The following SPATA3 variants were observed in gnomAD, a reference collection of about 807,000 sequenced individuals.
SPATA3 encodes spermatogenesis-associated protein 3.
SPATA3 carries 6 observed loss-of-function variants against 5.7 expected under a neutral mutation model. The observed-to-expected ratio is 1.06, with a 90% CI of 0.58 to 2.09. The LOEUF (loss-of-function observed/expected upper bound fraction) is 2.09. Among genes scored for constraint, SPATA3 ranks in the 30% most tolerant of loss-of-function variants. The pLI is 0.00. For synonymous variants in SPATA3, 44 were observed against 48.4 expected, an observed-to-expected ratio of 0.91 and a Z score of 0.37; for missense variants, 155 against 130.4, an observed-to-expected ratio of 1.19 and a Z score of -0.92.
chr2:230,996,192 G>A (rs192687539), intron 1 of SPATA3: 43 of 1,518,670 alleles, frequency 2.8e-5, no homozygotes, highest in African/African-American at 2.6e-4. Flanking sequence ...GGGAGATTAC[G>A]CAGCTCCATG....
exon 3 of SPATA3, chr2:231,002,703 T>A: frequency 1.3e-6 from 2 of 1,521,470 alleles, no homozygotes; most frequent in East Asian, 5.2e-5. Context: ...AAGAAAACCC[T>A]CCAGTCATCG....
intron 1 of SPATA3, among the ~76,000 whole-genome samples, chr2:230,998,771 G>A (rs139826337): frequency 6.6e-6 from 1 of 152,356 alleles, no homozygotes; most frequent in Non-Finnish European, 1.5e-5. Flanking sequence ...CTCATACACT[G>A]TAGGCGGGAA....
intron 1 of SPATA3, among the ~76,000 whole-genome samples, chr2:230,998,876 C>T (rs1692237939): frequency 1.3e-5 from 2 of 152,198 alleles, no homozygotes; most frequent in Admixed American, 1.3e-4. Context: ...TCTCAGTATA[C>T]ATCCAAGAGA....
downstream of SPATA3, among the ~76,000 whole-genome samples, chr2:231,005,001 TCATCACCAC>T (rs1692491448): frequency 1.8e-5 from 1 of 56,244 alleles, no homozygotes; most frequent in Admixed American, 1.5e-4. Context: ...ATCCTCACCA[TCATCACCAC>T]CATCATCACC....
intron 1 of SPATA3, among the ~76,000 whole-genome samples, chr2:230,998,555 C>T (rs560577939): frequency 1.3e-5 from 2 of 152,332 alleles, no homozygotes; most frequent in East Asian, 3.9e-4. Context: ...CCCTATACTT[C>T]TTCCAAAGGA....
Position 230,996,244 on chromosome 2 carries a change from T to C in SPATA3, c.791-4122T>C, listed in dbSNP as rs955559993. The stretch of plus-strand genomic sequence containing the variant: ...TTGGGAGGATCTACCATGAAGAAGG[T>C]CAAGAAGAAAAGGTCAGAGGCCAGA... On this transcript the variant is annotated intron_variant, in intron 1 of 2. Coordinates refer to ENST00000645363, the Ensembl canonical transcript of SPATA3. 7.1e-6 allele frequency: 11 copies of C among 1,548,588 alleles called. No individual in the cohort carries two copies. In the African/African-American group the frequency reaches 1.5e-4, roughly 21 times the overall value.
intron 6 of SPATA3, among the ~76,000 whole-genome samples, chr2:231,017,625 G>T (rs1692966273): frequency 6.6e-6 from 1 of 152,222 alleles, no homozygotes; most frequent in Non-Finnish European, 1.5e-5. Flanking sequence ...GTGAGAGAAG[G>T]CAGAATATCC....
chr2:231,016,462 T>C (rs1331808922), intron 6 of SPATA3, among the ~76,000 whole-genome samples: 1 of 132,360 alleles, frequency 7.6e-6, no homozygotes, highest in Non-Finnish European at 1.5e-5. Context: ...CCAAGGCAGG[T>C]GGATCGAGAT....
intron 5 of SPATA3, among the ~76,000 whole-genome samples, chr2:231,013,272 A>G (rs4973364): frequency 7.9e-5 from 12 of 151,996 alleles, no homozygotes; most frequent in Admixed American, 7.2e-4. Flanking sequence ...ATGATTTTGC[A>G]TGTTCTAGAA....
At chr2:231,005,528 A>C (rs1221567802), downstream of SPATA3, among the ~76,000 whole-genome samples, 1 of 30,808 alleles carries the variant, frequency 3.2e-5, no homozygotes, top group African/African-American at 1.4e-4. Context: ...CACCACCACC[A>C]CCATCATCAC....
At chr2:231,015,694 C>T (rs947481355) in intron 6 of SPATA3, among the ~76,000 whole-genome samples, 18 of 152,200 alleles carry the variant, frequency 1.2e-4, no homozygotes, top group Admixed American at 1.1e-3. Flanking sequence ...GCACCCTCGG[C>T]CTGCAGCTGT....
chr2:231,007,382 C>T (rs1692667440), downstream of SPATA3: 1 of 152,164 alleles, frequency 6.6e-6, no homozygotes, highest in African/African-American at 2.4e-5. Flanking sequence ...CCTTTTGGGC[C>T]ACAGGTCAAG....
chr2:231,002,300 A>G (rs553037864), intron 2 of SPATA3, among the ~76,000 whole-genome samples: 7 of 152,294 alleles, frequency 4.6e-5, no homozygotes, highest in South Asian at 4.1e-4. Flanking sequence ...TTATTTCCCA[A>G]GTTCCTTTCT....
At chr2:231,015,256 G>A (rs1019605041) in intron 6 of SPATA3, among the ~76,000 whole-genome samples, 1 of 92,136 alleles carries the variant, frequency 1.1e-5, no homozygotes, top group Non-Finnish European at 2.1e-5. Context: ...TATCGTTTTG[G>A]CTTTTTTTTT....
At chr2:230,998,480 C>T (rs2125093283) in intron 1 of SPATA3, among the ~76,000 whole-genome samples, 1 of 152,260 alleles carries the variant, frequency 6.6e-6, no homozygotes. Context: ...AAGAATTTGG[C>T]CCATTGAACA....
At chr2:231,005,499 T>TCAA (rs1692578528), downstream of SPATA3, among the ~76,000 whole-genome samples, 1 of 25,666 alleles carries the variant, frequency 3.9e-5, no homozygotes, top group South Asian at 1.2e-3. Flanking sequence ...ATCACCACCA[T>TCAA]CATCACCACC....
At chr2:231,005,493 C>T (rs777797088), downstream of SPATA3, among the ~76,000 whole-genome samples, 9 of 754 alleles carry the variant, frequency 0.012, no homozygotes, top group South Asian at 0.083. Flanking sequence ...ACCACCATCA[C>T]CACCATCATC....
At chr2:231,007,968 C>A (rs148335773), downstream of SPATA3, among the ~76,000 whole-genome samples, 966 of 152,258 alleles carry the variant, frequency 6.3e-3, 8 homozygotes, top group African/African-American at 0.022. Context: ...TATGATTGCA[C>A]CGCTGCACTC....
At position 230,996,162 on chromosome 2, in the gene SPATA3, G is replaced by A. The variant is rs1427141511; in HGVS notation, c.791-4204G>A. 9.6e-6 allele frequency: 14 copies of A among 1,461,200 alleles called. No homozygotes were observed. In the East Asian group the frequency reaches 1.2e-4, roughly 13 times the overall value. The allele number at this position is 1,461,200 out of a possible 1,614,324, so 90.5% of individuals were successfully genotyped here. ...CAGGCTCCTAGGGCAGAGGGCAAAC[G>A]GCCCCTCCAGGAGGGAGCCGGGAGA... On this transcript the variant is annotated intron_variant, in intron 1 of 2. Coordinates refer to ENST00000645363, the Ensembl canonical transcript of SPATA3.
Sources: gnomAD v4.1 joint callset for allele counts (sites outside exome capture counted in the v4.1 genomes callset) on GRCh38, gnomAD v4.1.1 for gene constraint, MANE v1.5 for transcripts, NCBI Gene and HGNC (gene_info 2026-07-23, HGNC 2026-07-21) for gene names.